Variants in LRIF1 observed in about 807,000 individuals in gnomAD.
LRIF1 encodes ligand dependent nuclear receptor interacting factor 1, also known as ligand-dependent nuclear receptor-interacting factor 1.
LRIF1 carries 32 observed loss-of-function variants against 52.7 expected under a neutral mutation model. The observed-to-expected ratio is 0.61, with a 90% CI of 0.46 to 0.82. LRIF1 has a LOEUF of 0.82. Ranked by LOEUF, LRIF1 falls within the 40% of genes least tolerant of loss-of-function variation. The pLI is 0.00. For synonymous variants in LRIF1, 323 were observed against 317.4 expected (o/e 1.02, Z -0.19); for missense variants, 887 against 892.0 (o/e 0.99, Z 0.07).
chr1:110,915,490 A>AAAATAAATAAATAAATAAATAAAT, the LRIF1 span, among the ~76,000 whole-genome samples: 30 of 141,940 alleles, frequency 2.1e-4, no homozygotes, highest in African/African-American at 7.3e-4. Flanking sequence ...TCCGTCTCAA[A>AAAATAAATAAATAAATAAATAAAT]AAATAAATAA....
chr1:110,952,531 C>A lies in LRIF1; in HGVS notation c.353G>T (p.Gly118Val), dbSNP rs1658528740. 1 of 1,613,956 alleles carries A rather than the reference C, an allele frequency of 6.2e-7. No homozygotes were observed. The highest frequency in any genetic ancestry group is 2.2e-5 in the East Asian group (1 of 44,878). Residue 118 changes from glycine to valine, a missense_variant, in exon 2 of 4, where the codon GGT becomes GTT. Physicochemically the swap from Gly to Val is moderately radical, Grantham distance 109. Transcript: ENST00000369763. ...TCCAGTTCCCACAGAAGTAACTCTA[C>A]CTTTTTCTGATGTATCTACTGTTCT... is the stretch of plus-strand genomic sequence containing the variant. ...LTRTVDTSEK[G>V]RVTSVGTGNF...
intron 1 of LRIF1, among the ~76,000 whole-genome samples, chr1:110,954,981 T>G (rs866900536): frequency 7.2e-5 from 11 of 152,364 alleles, no homozygotes; most frequent in Middle Eastern, 3.4e-3. Flanking sequence ...TAACTTCAAT[T>G]AAATTATCAC....
chr1:110,892,464 T>C, the LRIF1 span: 1 of 1,614,182 alleles, frequency 6.2e-7, no homozygotes, highest in East Asian at 2.2e-5. Context: ...TCGTGGGCTC[T>C]ATTATCATGG....
At chr1:110,899,062 G>A in the LRIF1 span, 1 of 1,260,690 alleles carries the variant, frequency 7.9e-7, no homozygotes, top group East Asian at 2.3e-5. Context: ...GCCAATCCCA[G>A]GCATTGTGAA....
the LRIF1 span, among the ~76,000 whole-genome samples, chr1:110,895,712 T>A: frequency 1.3e-5 from 2 of 152,200 alleles, no homozygotes; most frequent in Non-Finnish European, 1.5e-5. Context: ...TTTATTTTTT[T>A]AATTCAGTTT....
chr1:110,948,013 C>T lies in LRIF1; in HGVS notation c.2256G>A (p.Leu752=). 1.2e-6 allele frequency: 2 copies of T among 1,608,126 alleles called. No homozygotes were observed. The highest frequency in any genetic ancestry group is 1.7e-6 in the Non-Finnish European group (2 of 1,177,892). Residue 752 remains leucine (L), a synonymous_variant, in exon 4 of 4, where the codon CTG becomes CTA. Coordinates refer to ENST00000369763, the MANE Select transcript of LRIF1 (RefSeq NM_018372.4). ...DEKIRRLKQV[L]REKEAALEEM... Reference sequence around the variant, plus strand: ...CTTCAAGAGCTGCTTCTTTCTCTCTCAGCACCTGCTTAAGTCTTCTTATTT... The same window carrying T: ...CTTCAAGAGCTGCTTCTTTCTCTCTTAGCACCTGCTTAAGTCTTCTTATTT...
At chr1:110,907,742 A>G in the LRIF1 span, among the ~76,000 whole-genome samples, 1 of 152,244 alleles carries the variant, frequency 6.6e-6, no homozygotes, top group East Asian at 1.9e-4. Context: ...TCACACACAC[A>G]AAAAAAGTTT....
At chr1:110,891,321 C>G in the LRIF1 span, 3 of 1,057,098 alleles carry the variant, frequency 2.8e-6, no homozygotes, top group Non-Finnish European at 4.4e-6. Context: ...GATCCCTGAA[C>G]ATTTGTGCAC....
At chr1:110,916,995 A>G in the LRIF1 span, among the ~76,000 whole-genome samples, 1 of 152,180 alleles carries the variant, frequency 6.6e-6, no homozygotes, top group African/African-American at 2.4e-5. Flanking sequence ...TGATAGTGAA[A>G]CTGCAGTCAT....
chr1:110,891,952 T>C, the LRIF1 span, among the ~76,000 whole-genome samples: 1 of 152,258 alleles, frequency 6.6e-6, no homozygotes, highest in African/African-American at 2.4e-5. Context: ...TTGGCTTCTC[T>C]AGTTTTCTGC....
the LRIF1 span, among the ~76,000 whole-genome samples, chr1:110,896,215 A>T: frequency 5.3e-5 from 8 of 152,222 alleles, no homozygotes; most frequent in Non-Finnish European, 1.2e-4. Context: ...TCTGTCTCCC[A>T]TAAGCCCCAT....
intron 1 of LRIF1, among the ~76,000 whole-genome samples, chr1:110,959,456 G>A (rs1273045810): frequency 6.6e-6 from 1 of 152,110 alleles, no homozygotes; most frequent in Non-Finnish European, 1.5e-5. Flanking sequence ...TTTTAAAAAT[G>A]TAATGAGAAA....
chr1:110,896,108 C>T, the LRIF1 span, among the ~76,000 whole-genome samples: 2 of 152,288 alleles, frequency 1.3e-5, no homozygotes, highest in African/African-American at 4.8e-5. Context: ...TTTGTTCTTG[C>T]TCTTTGTGGA....
the LRIF1 span, among the ~76,000 whole-genome samples, chr1:110,912,685 C>T: frequency 3.3e-5 from 5 of 152,170 alleles, no homozygotes; most frequent in Non-Finnish European, 7.4e-5. Context: ...AGAGACCACA[C>T]AAACCAATGC....
At chr1:110,946,992 CCTTT>C (rs900116925), downstream of LRIF1, among the ~76,000 whole-genome samples, 8 of 150,032 alleles carry the variant, frequency 5.3e-5, no homozygotes, top group South Asian at 6.2e-4. Context: ...TCCTCCTCCT[CCTTT>C]AAGAGACAGG....
At chr1:110,908,951 T>C in the LRIF1 span, among the ~76,000 whole-genome samples, 1 of 151,846 alleles carries the variant, frequency 6.6e-6, no homozygotes, top group African/African-American at 2.4e-5. Flanking sequence ...TTCCCCAAAG[T>C]CAATGTGAAA....
downstream of LRIF1, chr1:110,944,736 T>C (rs1481334523): frequency 6.6e-6 from 1 of 152,112 alleles, no homozygotes; most frequent in African/African-American, 2.4e-5. Flanking sequence ...AACCACTCAC[T>C]TAAAAGCTCT....
At chr1:110,948,864 CATT>C (rs1350104325) in intron 3 of LRIF1, among the ~76,000 whole-genome samples, 7 of 152,190 alleles carry the variant, frequency 4.6e-5, no homozygotes, top group Non-Finnish European at 8.8e-5. Flanking sequence ...TTCTTTTTAT[CATT>C]ATTAGCTATA....
chr1:110,888,723 T>C, the LRIF1 span, among the ~76,000 whole-genome samples: 1 of 152,356 alleles, frequency 6.6e-6, no homozygotes, highest in Non-Finnish European at 1.5e-5. Context: ...AAAAATGTAA[T>C]CCATATTGAA....
Sources: gnomAD v4.1 joint callset for allele counts (sites outside exome capture counted in the v4.1 genomes callset) on GRCh38, gnomAD v4.1.1 for gene constraint, MANE v1.5 for transcripts, NCBI Gene and HGNC (gene_info 2026-07-23, HGNC 2026-07-21) for gene names.